Variants in LAMA2 observed in about 807,000 individuals in gnomAD.
The protein encoded by LAMA2 is laminin subunit alpha 2, also known as laminin subunit alpha-2.
LAMA2 carries 269 observed loss-of-function variants against 364.8 expected under a neutral mutation model. That is an observed-to-expected ratio of 0.74 (90% CI 0.67 to 0.82). The LOEUF is 0.82. Among genes scored for constraint, LAMA2 ranks in the 40% least tolerant of loss-of-function variants. The pLI is 0.00. For synonymous variants in LAMA2, 1,379 were observed against 1,370.6 expected (o/e 1.01, Z -0.14); for missense variants, 3,807 against 3,873.2 (o/e 0.98, Z 0.45).
At chr6:128,960,068 T>G in intron 1 of LAMA2, among the ~76,000 whole-genome samples, 1 of 152,088 alleles carries the variant, frequency 6.6e-6, no homozygotes, top group East Asian at 1.9e-4. Context: ...TTCCCCTATC[T>G]TATATATGTG....
At chr6:128,901,861 T>A (rs893364020) in intron 1 of LAMA2, among the ~76,000 whole-genome samples, 2 of 152,246 alleles carry the variant, frequency 1.3e-5, no homozygotes, top group Non-Finnish European at 2.9e-5. Context: ...TCAATCACTT[T>A]ACTGTTTCTT....
intron 10 of LAMA2, among the ~76,000 whole-genome samples, chr6:129,184,839 T>C (rs1781136342): frequency 6.6e-6 from 1 of 151,920 alleles, no homozygotes. Flanking sequence ...TGGTTCTCTT[T>C]CACAATATTA....
rs780096795 is a variant in LAMA2 at position 129,503,144 on chromosome 6, A to T, written c.8411A>T (p.Tyr2804Phe). 6.2e-7 allele frequency: 1 copy of T among 1,614,212 alleles called. No individual in the cohort carries two copies. The highest frequency in any genetic ancestry group is 2.2e-5 in the East Asian group (1 of 44,876). Residue 2804 changes from tyrosine to phenylalanine, a missense_variant, in exon 60 of 65, where the codon TAC becomes TTC. Physicochemically the swap from Tyr to Phe is conservative, Grantham distance 22 (BLOSUM62 3). Transcript: ENST00000421865. ...GAAGCTGAATCCGGCTTGCTTTTTT[A>T]CATGGCTCGCATCAATCATGCTGAT... ...RTEAESGLLF[Y>F]MARINHADFA...
chr6:128,962,139 C>CAT (rs55906092), intron 1 of LAMA2, among the ~76,000 whole-genome samples: 2,399 of 37,910 alleles, frequency 0.063, 180 homozygotes, highest in Admixed American at 0.088. Flanking sequence ...TCCTCTGGAC[C>CAT]ATATATATAT....
chr6:129,460,575 A>G (rs1783198588), intron 49 of LAMA2, among the ~76,000 whole-genome samples: 1 of 152,046 alleles, frequency 6.6e-6, no homozygotes, highest in Non-Finnish European at 1.5e-5. Flanking sequence ...AAATTTGCAA[A>G]GGTAAGAGAT....
intron 1 of LAMA2, among the ~76,000 whole-genome samples, chr6:128,890,429 A>G (rs1394037438): frequency 2.6e-5 from 4 of 151,620 alleles, no homozygotes; most frequent in East Asian, 1.9e-4. Flanking sequence ...TACCCTGAGG[A>G]AAAAAAAATC....
intron 1 of LAMA2, among the ~76,000 whole-genome samples, chr6:128,964,087 A>C (rs149975992): frequency 6.6e-6 from 1 of 152,180 alleles, no homozygotes; most frequent in African/African-American, 2.4e-5. Flanking sequence ...GGTAAGTTGT[A>C]AGAAAGAGAA....
intron 29 of LAMA2, among the ~76,000 whole-genome samples, chr6:129,336,563 T>A (rs1397542903): frequency 6.6e-6 from 1 of 152,250 alleles, no homozygotes; most frequent in Non-Finnish European, 1.5e-5. Context: ...ATAGACAAGA[T>A]TATTTCTTCT....
intron 15 of LAMA2, among the ~76,000 whole-genome samples, chr6:129,265,535 C>T (rs1027163233): frequency 1.3e-5 from 2 of 151,998 alleles, no homozygotes; most frequent in Non-Finnish European, 2.9e-5. Flanking sequence ...AGAAGGAAAT[C>T]ACTTCTATAA....
chr6:129,272,626 T>C (rs1315346490), intron 17 of LAMA2, among the ~76,000 whole-genome samples: 1 of 152,134 alleles, frequency 6.6e-6, no homozygotes, highest in Non-Finnish European at 1.5e-5. Context: ...ATTGGATAAG[T>C]CAATTTATCT....
At chr6:129,296,525 A>T (rs1002263317) in intron 20 of LAMA2, among the ~76,000 whole-genome samples, 1 of 152,068 alleles carries the variant, frequency 6.6e-6, no homozygotes, top group Non-Finnish European at 1.5e-5. Context: ...AACTATTCTT[A>T]GCTACGGTCA....
chr6:129,357,750 GATCACAATAATGCAGAGACCTTTATATA>G (rs1184619441), intron 32 of LAMA2, among the ~76,000 whole-genome samples: 5 of 152,030 alleles, frequency 3.3e-5, no homozygotes, highest in Non-Finnish European at 7.4e-5. Flanking sequence ...CCAAAGATCT[GATCACAATAATGCAGAGACCTTTATATA>G]TTATCACTAG....
At chr6:129,226,875 G>A (rs1302286385) in intron 12 of LAMA2, among the ~76,000 whole-genome samples, 1 of 152,064 alleles carries the variant, frequency 6.6e-6, no homozygotes. Context: ...TTGAATGTTG[G>A]CCTGCCTTGC....
At chr6:129,319,586 A>G (rs564340784) in intron 27 of LAMA2, among the ~76,000 whole-genome samples, 28 of 152,310 alleles carry the variant, frequency 1.8e-4, no homozygotes, top group South Asian at 2.1e-4. Context: ...CAACTTATCT[A>G]TGTATCAAAA....
chr6:129,057,878 G>A (rs1788597727), intron 2 of LAMA2, among the ~76,000 whole-genome samples: 2 of 152,068 alleles, frequency 1.3e-5, no homozygotes, highest in South Asian at 4.1e-4. Flanking sequence ...AATTTAAAAA[G>A]GATTGTGTTC....
chr6:129,270,514 A>C, intron 16 of LAMA2, 110 bp from the exon 17 acceptor site: 1 of 1,098,360 alleles, frequency 9.1e-7, no homozygotes, highest in Non-Finnish European at 1.4e-6. Context: ...AACATGGAAA[A>C]ATTATTCTTG....
At chr6:129,281,648 G>A (rs954945553) in intron 18 of LAMA2, among the ~76,000 whole-genome samples, 4 of 152,164 alleles carry the variant, frequency 2.6e-5, no homozygotes, top group South Asian at 2.1e-4. Context: ...ATGGTTGCTT[G>A]TATTCTTGGG....
At chr6:129,208,835 G>A (rs755100995) in intron 12 of LAMA2, among the ~76,000 whole-genome samples, 2 of 151,970 alleles carry the variant, frequency 1.3e-5, no homozygotes, top group Non-Finnish European at 2.9e-5. Context: ...AAAAAGAATA[G>A]GAAGAATTTG....
chr6:128,985,155 G>T (rs1447014919), intron 1 of LAMA2, among the ~76,000 whole-genome samples: 6 of 152,066 alleles, frequency 3.9e-5, no homozygotes, highest in African/African-American at 1.4e-4. Context: ...TGTGGAATGG[G>T]TCTCTCTGAA....
Sources: gnomAD v4.1 joint callset for allele counts (sites outside exome capture counted in the v4.1 genomes callset) on GRCh38, gnomAD v4.1.1 for gene constraint, MANE v1.5 for transcripts, NCBI Gene and HGNC (gene_info 2026-07-23, HGNC 2026-07-21) for gene names.